The following RO60 variants were observed in gnomAD, a reference collection of about 807,000 sequenced individuals.
RO60 encodes RNA-binding protein RO60.
In RO60, 20 loss-of-function variants were observed where a neutral mutation model predicts 55.3. The ratio of observed to expected loss-of-function variants is 0.36; its 90% CI spans 0.25 to 0.53. RO60 has a LOEUF of 0.53. RO60 is among the 20% of genes least tolerant of loss of function. The pLI is 0.92. For synonymous variants in RO60, 213 were observed against 213.6 expected (o/e 1.00, Z 0.02); for missense variants, 558 against 646.6 (o/e 0.86, Z 1.49).
intron 1 of RO60, among the ~76,000 whole-genome samples, chr1:193,063,522 T>C (rs1033913383): frequency 6.6e-6 from 1 of 152,256 alleles, no homozygotes; most frequent in African/African-American, 2.4e-5. Flanking sequence ...CTTTTCACTT[T>C]CTTGATGGTG....
chr1:193,079,699 A>C (rs1351431085), intron 5 of RO60, among the ~76,000 whole-genome samples: 2 of 152,228 alleles, frequency 1.3e-5, no homozygotes, highest in African/African-American at 4.8e-5. Context: ...AAATATTTGC[A>C]GACCATATGT....
rs1489609246 is a variant in RO60 at position 193,087,561 on chromosome 1, C to CT, written c.*2833dup. The CT allele has an allele frequency of 6.6e-6, 1 of 152,030 alleles. No individual in the cohort carries two copies. The highest frequency in any genetic ancestry group is 2.4e-5 in the African/African-American group (1 of 41,412). The allele number at this position is 152,030 out of a possible 1,614,324, so 9.4% of individuals were successfully genotyped here. On this transcript the variant is annotated 3_prime_UTR_variant, in exon 9 of 9. Coordinates refer to ENST00000400968, the MANE Select transcript of RO60 (RefSeq NM_001173524.2). ...CTAGTGAATGGAATTTAGTGTTACCCTTTGACACCTCCTTTGCTTTATCTA... is the reference window on the plus strand; with the variant it reads ...CTAGTGAATGGAATTTAGTGTTACCCTTTTGACACCTCCTTTGCTTTATCTA...
intron 1 of RO60, 82 bp from the exon 2 acceptor site, chr1:193,068,952 T>A: frequency 1.1e-6 from 1 of 889,068 alleles, no homozygotes; most frequent in Non-Finnish European, 1.7e-6. Context: ...GTTAATAACA[T>A]TTCAGTAAAC....
At position 193,086,183 on chromosome 1, in the gene RO60, G is replaced by T; in HGVS notation, c.*1452G>T. On this transcript the variant is annotated 3_prime_UTR_variant, in exon 9 of 9. Coordinates refer to ENST00000400968, the MANE Select transcript of RO60 (RefSeq NM_001173524.2). ...GGTGCTTGGGGGTTAGAGGGTTTAT[G>T]TTTTTTGGGAAAGGGGGACTTTAGT... The T allele has an allele frequency of 3.2e-6, 1 of 308,072 alleles. No individual in the cohort carries two copies. The highest frequency in any genetic ancestry group is 1.3e-4 in the South Asian group (1 of 7,910). 19.1% of individuals were successfully genotyped at this position (308,072 alleles called of 1,614,324 possible). A position where few individuals can be genotyped will look rare whatever the true frequency, so the allele number is the denominator to read the frequency against.
At chr1:193,060,901 A>AT (rs201196709) in intron 1 of RO60, among the ~76,000 whole-genome samples, 4 of 151,960 alleles carry the variant, frequency 2.6e-5, no homozygotes, top group Non-Finnish European at 4.4e-5. Context: ...AGTTTGTGGT[A>AT]TTTTTTTTAA....
Position 193,089,249 on chromosome 1 carries a change from A to G in RO60, c.*4518A>G, listed in dbSNP as rs774930318. 2.6e-5 allele frequency: 4 copies of G among 152,196 alleles called. No individual in the cohort carries two copies. The highest frequency in any genetic ancestry group is 4.4e-5 in the Non-Finnish European group (3 of 68,014). The allele number at this position is 152,196 out of a possible 1,614,324, so 9.4% of individuals were successfully genotyped here. On this transcript the variant is annotated 3_prime_UTR_variant, in exon 9 of 9. Coordinates refer to ENST00000400968, the MANE Select transcript of RO60 (RefSeq NM_001173524.2). ...ATAAGCACTCTTAGAAAAATAATTA[A>G]CTGATTACTCTTTCAGAAAATAGCA... is the stretch of plus-strand genomic sequence containing the variant.
chr1:193,082,666 T>C lies in RO60; in HGVS notation c.1422T>C (p.Ala474=), dbSNP rs1365872308. 1.2e-6 allele frequency: 2 copies of C among 1,613,800 alleles called. No homozygotes were observed. The highest frequency in any genetic ancestry group is 8.5e-7 in the Non-Finnish European group (1 of 1,179,754). ...FIVFTDNETF[A]GGVHPAIALR... ...TATTCACTGATAATGAGACCTTTGCTGGAGGTGTCCATCCTGCTATTGCTC... is the reference window on the plus strand; with the variant it reads ...TATTCACTGATAATGAGACCTTTGCCGGAGGTGTCCATCCTGCTATTGCTC... The change falls in exon 8 of 9, where the codon GCT becomes GCC. Residue 474 remains alanine, a synonymous_variant. Coordinates refer to ENST00000400968, the MANE Select transcript of RO60 (RefSeq NM_001173524.2).
At position 193,063,000 on chromosome 1, in the gene RO60, A is replaced by T. The variant is rs936371527; in HGVS notation, c.-22+3224A>T. 2.6e-5 allele frequency among the ~76,000 whole-genome samples: 4 copies of T among 152,166 alleles called. No individual in the cohort carries two copies. In the South Asian group the frequency reaches 8.3e-4, roughly 31 times the overall value. On this transcript the variant is annotated intron_variant, in intron 1 of 8. Coordinates refer to ENST00000400968, the MANE Select transcript of RO60 (RefSeq NM_001173524.2). ...GAGTAATGTTGATAAAAACATCTGG[A>T]TACAACTTTTGGTTTAGATACATGT...
Position 193,059,704 on chromosome 1 carries a change from T to C in RO60, c.-94T>C. The C allele has an allele frequency of 1.5e-6, 2 of 1,355,428 alleles. No individual in the cohort carries two copies. The highest frequency in any genetic ancestry group is 2.3e-5 in the South Asian group (2 of 85,840). The allele number at this position is 1,355,428 out of a possible 1,614,324, so 84.0% of individuals were successfully genotyped here. On this transcript the variant is annotated 5_prime_UTR_variant, in exon 1 of 9. Coordinates refer to ENST00000400968, the MANE Select transcript of RO60 (RefSeq NM_001173524.2). This position sits in a 1 kb window ranked among gnomAD's most constrained non-coding sequence, Gnocchi z 4.9. ...CGCTGCCCGTCAGGCTGCCTTCTTT[T>C]GTCGTTTCCCAGCGCTGCGCAGGAC...
Position 193,059,654 on chromosome 1 carries a change from G to A in RO60, c.-144G>A, listed in dbSNP as rs1257723047. 2 of 1,384,028 alleles carry A rather than the reference G, an allele frequency of 1.4e-6. No individual in the cohort carries two copies. The highest frequency in any genetic ancestry group is 1.9e-6 in the Non-Finnish European group (2 of 1,035,062). The allele number at this position is 1,384,028 out of a possible 1,614,324, so 85.7% of individuals were successfully genotyped here. On this transcript the variant is annotated 5_prime_UTR_variant, in exon 1 of 9. Transcript: ENST00000400968. The surrounding 1 kb of genome is among the most constrained non-coding windows in gnomAD (Gnocchi z 4.9). ...GAACCTGGAATCCCCGGCGGCAGTG[G>A]GGCTGTTGCTGTTGCTGTGGCTGTC...
In RO60 at chr1:193,070,186, C is replaced by G. The variant is rs181681830; in HGVS notation, c.580+552C>G. Among the ~76,000 whole-genome samples the G allele has an allele frequency of 5.9e-5, 9 of 152,178 alleles. No homozygotes were observed. The East Asian group carries it at 1.7e-3, about 29-fold the overall frequency. On this transcript the variant is annotated intron_variant, in intron 2 of 8. Transcript: ENST00000400968. Reference sequence around the variant, plus strand: ...AAAGTTGCAATAAGCAAATCAGCTCCTTGCCAGTAGGCGGCAGATGGCCAT... The same window carrying G: ...AAAGTTGCAATAAGCAAATCAGCTCGTTGCCAGTAGGCGGCAGATGGCCAT...
At chr1:193,067,731 A>G (rs1267344633) in intron 1 of RO60, among the ~76,000 whole-genome samples, 1 of 152,188 alleles carries the variant, frequency 6.6e-6, no homozygotes, top group Non-Finnish European at 1.5e-5. Flanking sequence ...TAGAAGGATA[A>G]AGAGGGATGT....
intron 2 of RO60, chr1:193,070,740 C>G (rs1249565297): frequency 5.1e-6 from 1 of 197,360 alleles, no homozygotes; most frequent in Admixed American, 5.7e-5. Flanking sequence ...CTTTGGTTCT[C>G]TATTTCTCCC....
intron 5 of RO60, among the ~76,000 whole-genome samples, chr1:193,078,002 A>G (rs1674047893): frequency 6.6e-6 from 1 of 152,234 alleles, no homozygotes; most frequent in African/African-American, 2.4e-5. Flanking sequence ...ATCTTGCTAT[A>G]TAACAAAATA....
intron 2 of RO60, among the ~76,000 whole-genome samples, chr1:193,072,623 T>C (rs1673599506): frequency 6.6e-6 from 1 of 152,228 alleles, no homozygotes; most frequent in South Asian, 2.1e-4. Context: ...TTTTTACATT[T>C]AAATTTTTTA....
rs936200864 is a variant in RO60 at position 193,090,771 on chromosome 1, C to G, written c.*6040C>G. On this transcript the variant is annotated 3_prime_UTR_variant, in exon 9 of 9. Transcript: ENST00000400968. ...TTTGACTGCCTTAAAATACTACTTG[C>G]TCTGTAATTCAGGCATACTAGTTAC... 6.6e-5 allele frequency: 10 copies of G among 152,160 alleles called. No individual in the cohort carries two copies. The highest frequency in any genetic ancestry group is 2.2e-4 in the African/African-American group (9 of 41,520). 9.4% of individuals were successfully genotyped at this position (152,160 alleles called of 1,614,324 possible). A position where few individuals can be genotyped will look rare whatever the true frequency, so the allele number is the denominator to read the frequency against.
Position 193,088,242 on chromosome 1 carries a change from G to A in RO60, c.*3511G>A, listed in dbSNP as rs796925095. ...GCCCAGGCTGGTGTCAAACTCCTGG[G>A]CTCAAGGGATCTTCCTGCCTTGGCC... On this transcript the variant is annotated 3_prime_UTR_variant, in exon 9 of 9. Transcript: ENST00000400968. The A allele has an allele frequency of 2.2e-4, 31 of 142,576 alleles. No individual in the cohort carries two copies. Among genetic ancestry groups the A allele is most frequent in the African/African-American group, 7.5e-4 (28 of 37,294 alleles). 8.8% of individuals were successfully genotyped at this position (142,576 alleles called of 1,614,324 possible).
intron 2 of RO60, among the ~76,000 whole-genome samples, chr1:193,075,059 C>A (rs980263919): frequency 2.6e-5 from 4 of 152,170 alleles, no homozygotes; most frequent in African/African-American, 9.7e-5. Flanking sequence ...TGGTGCCTGG[C>A]CTCACCGTGG....
In RO60 at chr1:193,084,819, A is replaced by T. The variant is rs749701330; in HGVS notation, c.*88A>T. The stretch of plus-strand genomic sequence containing the variant: ...CTACTTCCCAGCTAATCTCCACCCA[A>T]TGAATGATGATGGTATAGTATGTGC... On this transcript the variant is annotated 3_prime_UTR_variant, in exon 9 of 9. Coordinates refer to ENST00000400968, the MANE Select transcript of RO60 (RefSeq NM_001173524.2). 1.3e-6 allele frequency: 2 copies of T among 1,542,886 alleles called. No homozygotes were observed. Among genetic ancestry groups the T allele is most frequent in the East Asian group, 2.3e-5 (1 of 44,274 alleles).
Sources: allele counts gnomAD v4.1 joint callset (sites outside exome capture counted in the v4.1 genomes callset), GRCh38; gene constraint gnomAD v4.1.1; non-coding constraint Gnocchi (gnomAD v3.1); transcripts MANE v1.5; gene names NCBI Gene and HGNC (gene_info 2026-07-23, HGNC 2026-07-21).